The following TMEFF2 variants were observed in gnomAD, a reference collection of about 807,000 sequenced individuals.
The protein encoded by TMEFF2 is tomoregulin-2.
Under a neutral mutation model 53.8 loss-of-function variants are expected in TMEFF2, and 28 were observed. The ratio of observed to expected loss-of-function variants is 0.52; its 90% CI spans 0.39 to 0.71. The LOEUF (loss-of-function observed/expected upper bound fraction) is 0.71, where lower values mean the gene tolerates loss of function less well. Among genes scored for constraint, TMEFF2 ranks in the 30% least tolerant of loss-of-function variants. The pLI, the probability that TMEFF2 is intolerant of heterozygous loss-of-function variation, is 0.00. For synonymous variants in TMEFF2, 162 were observed against 166.3 expected, an observed-to-expected ratio of 0.97 and a Z score of 0.20; for missense variants, 353 against 455.2, an observed-to-expected ratio of 0.78 and a Z score of 2.04.
chr2:192,194,448 G>GGCAGCA lies in TMEFF2; in HGVS notation c.71_76dup (p.Leu24_Leu25dup). 2 of 1,614,086 alleles carry GGCAGCA rather than the reference G, an allele frequency of 1.2e-6. No individual in the cohort carries two copies. Among genetic ancestry groups the GGCAGCA allele is most frequent in the Admixed American group, 1.7e-5 (1 of 60,006 alleles). On this transcript the variant is annotated inframe_insertion, in exon 1 of 10. Coordinates refer to ENST00000272771, the MANE Select transcript of TMEFF2 (RefSeq NM_016192.4). The surrounding 1 kb of genome is among the most constrained non-coding windows in gnomAD (Gnocchi z 4.2). ...GCGGGCTACGATGAGTAGCATGACG[G>GGCAGCA]GCAGCAGCAGCAGCCAGCAAAAGCC...
At chr2:192,184,228 A>G in intron 3 of TMEFF2, 126 bp downstream of exon 3, 1 of 1,258,054 alleles carries the variant, frequency 7.9e-7, no homozygotes, top group East Asian at 2.4e-5. Flanking sequence ...GTTTTGAACA[A>G]AACAATACGG....
At chr2:192,023,505 A>G (rs1686902490) in intron 5 of TMEFF2, among the ~76,000 whole-genome samples, 1 of 152,136 alleles carries the variant, frequency 6.6e-6, no homozygotes, top group Non-Finnish European at 1.5e-5. Flanking sequence ...TCTATAAAGG[A>G]AAGGCTGCAC....
At chr2:192,105,675 A>G (rs1689129260) in intron 4 of TMEFF2, among the ~76,000 whole-genome samples, 2 of 151,976 alleles carry the variant, frequency 1.3e-5, no homozygotes, top group Non-Finnish European at 2.9e-5. Flanking sequence ...ATACTAAGTC[A>G]TCATATACTA....
chr2:192,108,060 C>T (rs186044612), intron 4 of TMEFF2, among the ~76,000 whole-genome samples: 156 of 151,586 alleles, frequency 1.0e-3, no homozygotes, highest in Non-Finnish European at 7.7e-4. Flanking sequence ...AAAGTGTAAC[C>T]AGATAGCTAG....
At chr2:192,127,832 A>C (rs1161574650) in intron 4 of TMEFF2, among the ~76,000 whole-genome samples, 1 of 152,192 alleles carries the variant, frequency 6.6e-6, no homozygotes, top group Non-Finnish European at 1.5e-5. Context: ...AAATCCTTAA[A>C]ACTACGTAAG....
chr2:192,155,047 A>T (rs1055150003), intron 4 of TMEFF2, among the ~76,000 whole-genome samples: 1 of 151,952 alleles, frequency 6.6e-6, no homozygotes, highest in African/African-American at 2.4e-5. Context: ...AAAAAAGGCA[A>T]AGTTTCCTCC....
At chr2:192,086,947 A>G (rs1045787294) in intron 4 of TMEFF2, among the ~76,000 whole-genome samples, 1 of 151,946 alleles carries the variant, frequency 6.6e-6, no homozygotes, top group African/African-American at 2.4e-5. Context: ...ATTGAAGTAT[A>G]TATCTTTTCA....
intron 4 of TMEFF2, among the ~76,000 whole-genome samples, chr2:192,143,141 T>G (rs889168097): frequency 6.6e-6 from 1 of 152,206 alleles, no homozygotes; most frequent in African/African-American, 2.4e-5. Flanking sequence ...ATGAGCTCTT[T>G]AGTCTACGTA....
intron 5 of TMEFF2, among the ~76,000 whole-genome samples, chr2:192,013,216 T>G (rs995128001): frequency 3.9e-5 from 6 of 152,072 alleles, no homozygotes; most frequent in Non-Finnish European, 8.8e-5. Flanking sequence ...CCTATGCCAT[T>G]TTATTTCTGA....
At chr2:192,017,501 CT>C (rs1479678220) in intron 5 of TMEFF2, among the ~76,000 whole-genome samples, 1 of 152,128 alleles carries the variant, frequency 6.6e-6, no homozygotes, top group Non-Finnish European at 1.5e-5. Flanking sequence ...CTCATTATGC[CT>C]TTTGGCAGCA....
rs151150307 is a variant in TMEFF2 at position 192,004,750 on chromosome 2, G to A, written c.537-5542C>T. ...AAATTAATCAAGGGTTTTTCTTTCT[G>A]CAGAAATGAAAAGCACACGTTTTTG... On this transcript the variant is annotated intron_variant, in intron 5 of 9. Transcript: ENST00000272771. 3.3e-3 allele frequency among the ~76,000 whole-genome samples: 495 copies of A among 152,306 alleles called. 8 individuals carry two copies. The highest frequency in any genetic ancestry group is 0.026 in the South Asian group (124 of 4,832).
At chr2:192,113,172 A>G (rs1261421824) in intron 4 of TMEFF2, among the ~76,000 whole-genome samples, 1 of 152,198 alleles carries the variant, frequency 6.6e-6, no homozygotes, top group African/African-American at 2.4e-5. Flanking sequence ...TGATTTGAAA[A>G]TATTTAGGCT....
At chr2:192,138,857 G>A (rs563987323) in intron 4 of TMEFF2, among the ~76,000 whole-genome samples, 1 of 152,260 alleles carries the variant, frequency 6.6e-6, no homozygotes, top group East Asian at 1.9e-4. Context: ...GTACACCTTA[G>A]GTTTTAGGTA....
At chr2:192,171,086 C>T (rs1574433046) in intron 4 of TMEFF2, among the ~76,000 whole-genome samples, 2 of 152,058 alleles carry the variant, frequency 1.3e-5, no homozygotes, top group African/African-American at 4.8e-5. Context: ...CATGCAGAGA[C>T]ATTCCTATGC....
intron 4 of TMEFF2, among the ~76,000 whole-genome samples, chr2:192,076,838 C>T (rs1205657739): frequency 6.6e-6 from 1 of 152,044 alleles, no homozygotes; most frequent in African/African-American, 2.4e-5. Flanking sequence ...AGCCAGTGAG[C>T]CAAAAAGTCT....
chr2:191,972,308 CTT>C (rs764218539), intron 7 of TMEFF2, among the ~76,000 whole-genome samples: 43 of 72,816 alleles, frequency 5.9e-4, no homozygotes, highest in African/African-American at 2.4e-3. Flanking sequence ...TCATGCCCAG[CTT>C]TTTTTTTTTT....
intron 1 of TMEFF2, among the ~76,000 whole-genome samples, chr2:192,193,761 T>TAGAGAG (rs530141565): frequency 0.011 from 547 of 47,628 alleles, 3 homozygotes; most frequent in South Asian, 0.029. Flanking sequence ...GATAGATAGA[T>TAGAGAG]AGAGAGAGAG....
chr2:192,116,137 T>C (rs374935738), intron 4 of TMEFF2, among the ~76,000 whole-genome samples: 2 of 152,078 alleles, frequency 1.3e-5, no homozygotes, highest in South Asian at 2.1e-4. Context: ...ATAAACACAA[T>C]GAAATATTTT....
At chr2:192,147,486 C>T (rs1244657290) in intron 4 of TMEFF2, among the ~76,000 whole-genome samples, 4 of 151,864 alleles carry the variant, frequency 2.6e-5, no homozygotes, top group Non-Finnish European at 5.9e-5. Context: ...CCCACTCCCC[C>T]CACCCCACAA....
Sources: allele counts gnomAD v4.1 joint callset (sites outside exome capture counted in the v4.1 genomes callset), GRCh38; gene constraint gnomAD v4.1.1; non-coding constraint Gnocchi (gnomAD v3.1); transcripts MANE v1.5; gene names NCBI Gene and HGNC (gene_info 2026-07-23, HGNC 2026-07-21).